The following NFATC3 variants were observed in gnomAD, a reference collection of about 807,000 sequenced individuals.
NFATC3 encodes the protein nuclear factor of activated T cells 3.
NFATC3 carries 46 observed loss-of-function variants against 98.6 expected under a neutral mutation model. That is an observed-to-expected ratio of 0.47 (90% confidence interval 0.37 to 0.60). The LOEUF is 0.60. NFATC3 is among the 20% of genes least tolerant of loss of function. The probability of loss-of-function intolerance (pLI) is 0.00; values close to 1 mark genes in which losing one functional copy is unlikely to be tolerated. For synonymous variants in NFATC3, 512 were observed against 472.2 expected, an observed-to-expected ratio of 1.08 and a Z score of -1.09; for missense variants, 1,256 against 1,295.5, an observed-to-expected ratio of 0.97 and a Z score of 0.47.
At position 68,226,524 on chromosome 16, in the gene NFATC3, C is replaced by T. The variant is rs1481478939; in HGVS notation, c.*53C>T. The T allele has an allele frequency of 7.6e-6, 11 of 1,445,318 alleles. No individual in the cohort carries two copies. The highest frequency in any genetic ancestry group is 1.0e-5 in the Non-Finnish European group (11 of 1,101,730). The allele number at this position is 1,445,318 out of a possible 1,614,324, so 89.5% of individuals were successfully genotyped here. On this transcript the variant is annotated 3_prime_UTR_variant, in exon 10 of 10. Transcript: ENST00000346183. Reference sequence around the variant, plus strand: ...CACCAACTTCTCAGCATGTTTCTCTCCTTGGACCTTGGGTTTCCAACTCTG... The same window carrying T: ...CACCAACTTCTCAGCATGTTTCTCTTCTTGGACCTTGGGTTTCCAACTCTG...
intron 3 of NFATC3, among the ~76,000 whole-genome samples, chr16:68,130,580 A>G (rs1422653234): frequency 6.6e-6 from 1 of 152,182 alleles, no homozygotes; most frequent in Admixed American, 6.5e-5. Context: ...TAGTTTGAAG[A>G]TATTTTCTCC....
Position 68,183,252 on chromosome 16 carries a change from C to A in NFATC3, c.1984C>A (p.Leu662Ile). 1.3e-6 allele frequency: 2 copies of A among 1,589,806 alleles called. No homozygotes were observed. Among genetic ancestry groups the A allele is most frequent in the South Asian group, 1.2e-5 (1 of 86,208 alleles). The part of the protein sequence containing the change: ...REKCQGAHIV[L>I]EVPPYHNPAV... ...TTTCCATCCTTAGGCTCACATTGTC[C>A]TTGAAGTTCCTCCATATCATAACCC... The change falls in exon 8 of 10, where the codon CTT becomes ATT. Residue 662 changes from leucine (L) to isoleucine (I), a missense_variant. By Grantham distance (5) the Leu-to-Ile change is conservative. Transcript: ENST00000346183.
intron 1 of NFATC3, among the ~76,000 whole-genome samples, chr16:68,117,950 C>G (rs2036375090): frequency 6.6e-6 from 1 of 152,196 alleles, no homozygotes. Flanking sequence ...TTTTAAAACT[C>G]TTACATGGTT....
At chr16:68,190,443 A>T (rs986667310) in intron 8 of NFATC3, among the ~76,000 whole-genome samples, 2 of 152,250 alleles carry the variant, frequency 1.3e-5, no homozygotes, top group African/African-American at 4.8e-5. Flanking sequence ...TTCAAAAGAC[A>T]TAAAAAAGTA....
Position 68,199,505 on chromosome 16 carries a change from T to TGG in NFATC3, c.3106+7731_3106+7732insGG, listed in dbSNP as rs569335701. ...TCCCAAAGTGCTGGGATTACAGGCG[T>TGG]GAGCCACCGCGCCCGGCCCCAAGAC... On this transcript the variant is annotated intron_variant, in intron 9 of 9. Coordinates refer to ENST00000346183, the MANE Select transcript of NFATC3 (RefSeq NM_173165.3). 3.1e-4 allele frequency among the ~76,000 whole-genome samples: 46 copies of TGG among 146,402 alleles called. 1 individual carries two copies. The East Asian group carries it at 9.5e-3, about 30-fold the overall frequency.
chr16:68,098,709 T>C (rs965122497), intron 1 of NFATC3, among the ~76,000 whole-genome samples: 1 of 152,346 alleles, frequency 6.6e-6, no homozygotes, highest in East Asian at 1.9e-4. Flanking sequence ...CAGGTTTAGA[T>C]AGTCTTTTTA....
rs180810690 is a variant in NFATC3, at chr16:68,160,505, A to G, written c.1601+2437A>G. On this transcript the variant is annotated intron_variant, in intron 4 of 9. Coordinates refer to ENST00000346183, the MANE Select transcript of NFATC3 (RefSeq NM_173165.3). ...AAACCTTATTCTGTTAATTACTACC[A>G]GAAAAGAAAAGTTAATATAAATTTA... Among the ~76,000 whole-genome samples the G allele has an allele frequency of 1.1e-4, 16 of 152,196 alleles. No individual in the cohort carries two copies. The East Asian group carries it at 2.9e-3, about 27-fold the overall frequency.
At chr16:68,088,250 G>C (rs1235395380) in intron 1 of NFATC3, among the ~76,000 whole-genome samples, 1 of 150,490 alleles carries the variant, frequency 6.6e-6, no homozygotes, top group Non-Finnish European at 1.5e-5. Flanking sequence ...CCTTGAGGTC[G>C]GGGATAGTGT....
intron 9 of NFATC3, among the ~76,000 whole-genome samples, chr16:68,207,623 C>A (rs949588421): frequency 6.6e-6 from 1 of 152,092 alleles, no homozygotes; most frequent in African/African-American, 2.4e-5. Flanking sequence ...GCCATCACGC[C>A]CAGCTAATTT....
intron 3 of NFATC3, among the ~76,000 whole-genome samples, chr16:68,132,954 G>A (rs1267129770): frequency 6.6e-6 from 1 of 152,130 alleles, no homozygotes; most frequent in Non-Finnish European, 1.5e-5. Flanking sequence ...TAGCACTGTA[G>A]GGTGAATATA....
At chr16:68,223,355 T>C (rs1258047912) in intron 9 of NFATC3, among the ~76,000 whole-genome samples, 2 of 152,060 alleles carry the variant, frequency 1.3e-5, no homozygotes, top group Non-Finnish European at 2.9e-5. Context: ...AGACCCTATC[T>C]CTACAAAAAA....
chr16:68,191,947 C>T (rs540031770), intron 9 of NFATC3, 172 bp downstream of exon 9: 9 of 687,712 alleles, frequency 1.3e-5, no homozygotes, highest in South Asian at 3.9e-5. Context: ...CCACGGCTCA[C>T]GCCTGTATCC....
chr16:68,117,616 T>G (rs2036351511), intron 1 of NFATC3, among the ~76,000 whole-genome samples: 1 of 152,180 alleles, frequency 6.6e-6, no homozygotes, highest in South Asian at 2.1e-4. Context: ...CAAACGACCC[T>G]CCTGCCTCAG....
chr16:68,104,999 A>G (rs959721028), intron 1 of NFATC3, among the ~76,000 whole-genome samples: 7 of 150,968 alleles, frequency 4.6e-5, no homozygotes, highest in Non-Finnish European at 8.8e-5. Flanking sequence ...TTCTATTCCT[A>G]GTTTGCTGAG....
At chr16:68,184,098 T>C (rs1245939302) in intron 8 of NFATC3, among the ~76,000 whole-genome samples, 1 of 152,142 alleles carries the variant, frequency 6.6e-6, no homozygotes, top group African/African-American at 2.4e-5. Flanking sequence ...ATTTCTTTTC[T>C]TTATAAAGTG....
chr16:68,166,096 C>G (rs1053546020), intron 4 of NFATC3, among the ~76,000 whole-genome samples: 1 of 152,178 alleles, frequency 6.6e-6, no homozygotes, highest in Non-Finnish European at 1.5e-5. Flanking sequence ...CTATAAAAGT[C>G]TAAATATGCT....
intron 9 of NFATC3, among the ~76,000 whole-genome samples, chr16:68,203,009 A>T (rs914699467): frequency 1.3e-5 from 2 of 152,128 alleles, no homozygotes; most frequent in South Asian, 2.1e-4. Flanking sequence ...GGAAGCATAC[A>T]TGTACTATAC....
chr16:68,098,294 ATTATTATT>A (rs2035135119), intron 1 of NFATC3, among the ~76,000 whole-genome samples: 1 of 104,446 alleles, frequency 9.6e-6, no homozygotes, highest in Non-Finnish European at 1.9e-5. Flanking sequence ...TATTATTATT[ATTATTATT>A]TTTTTTTTTT....
chr16:68,221,566 T>C, intron 9 of NFATC3: 1 of 1,124,068 alleles, frequency 8.9e-7, no homozygotes, highest in Non-Finnish European at 1.1e-6. Context: ...GCACTAGGGA[T>C]TCAGGGGAAA....
Sources: allele counts gnomAD v4.1 joint callset (sites outside exome capture counted in the v4.1 genomes callset), GRCh38; gene constraint gnomAD v4.1.1; transcripts MANE v1.5; gene names NCBI Gene and HGNC (gene_info 2026-07-23, HGNC 2026-07-21).